The following NUDT6 variants were observed in gnomAD, a reference collection of about 807,000 sequenced individuals.
NUDT6 encodes the protein nudix hydrolase 6.
Under a neutral mutation model 36.8 loss-of-function variants are expected in NUDT6, and 24 were observed. The ratio of observed to expected loss-of-function variants is 0.65; its 90% CI spans 0.47 to 0.92. The LOEUF is 0.92. Ranked by LOEUF, NUDT6 falls within the 40% of genes least tolerant of loss-of-function variation. NUDT6 has a pLI of 0.00. For synonymous variants in NUDT6, 163 were observed against 157.0 expected (o/e 1.04, Z -0.29); for missense variants, 388 against 392.8 (o/e 0.99, Z 0.10).
intron 2 of NUDT6, 37 bp downstream of exon 2, chr4:122,917,464 A>C (rs1229570431): frequency 6.3e-7 from 1 of 1,575,704 alleles, no homozygotes; most frequent in East Asian, 2.2e-5. Flanking sequence ...TGAACGTCTA[A>C]AAAGTTAATT....
chr4:122,911,175 T>C (rs1727726926), intron 3 of NUDT6, among the ~76,000 whole-genome samples: 3 of 152,180 alleles, frequency 2.0e-5, no homozygotes, highest in African/African-American at 7.2e-5. Flanking sequence ...GGCAAAGGGA[T>C]TGGAACTCTG....
chr4:122,917,656 T>C lies in NUDT6; in HGVS notation c.287A>G (p.His96Arg), dbSNP rs1282074619. 6.2e-7 allele frequency: 1 copy of C among 1,614,112 alleles called. No individual in the cohort carries two copies. The highest frequency in any genetic ancestry group is 1.3e-5 in the African/African-American group (1 of 74,936). The change falls in exon 2 of 5, where the codon CAC becomes CGC. Residue 96 changes from histidine (H) to arginine (R), a missense_variant. His to Arg is a conservative substitution (Grantham distance 29). Coordinates refer to ENST00000304430, the MANE Select transcript of NUDT6 (RefSeq NM_007083.5). ...RSEGRTAVWL[H>R]IPILQSRFIA... ...AAATCGGCTTTGGAGGATGGGAATG[T>C]GCAGCCATACAGCTGTTCTACCTTC...
chr4:122,908,067 C>T (rs1251577335), intron 3 of NUDT6, among the ~76,000 whole-genome samples: 1 of 151,974 alleles, frequency 6.6e-6, no homozygotes, highest in East Asian at 1.9e-4. Flanking sequence ...ATCCTAAACC[C>T]CTCCCAACTG....
At chr4:122,902,961 G>T (rs1727553382) in intron 3 of NUDT6, among the ~76,000 whole-genome samples, 1 of 152,144 alleles carries the variant, frequency 6.6e-6, no homozygotes, top group Admixed American at 6.5e-5. Flanking sequence ...TATCTGAAAA[G>T]AATGCCAATT....
chr4:122,900,207 A>C (rs1392516933), intron 3 of NUDT6, among the ~76,000 whole-genome samples: 1 of 151,956 alleles, frequency 6.6e-6, no homozygotes, highest in Non-Finnish European at 1.5e-5. Flanking sequence ...CCTTCATCCA[A>C]ATCCTTTTCC....
chr4:122,902,150 C>A (rs1172682985), intron 3 of NUDT6, among the ~76,000 whole-genome samples: 6 of 152,150 alleles, frequency 3.9e-5, no homozygotes. Flanking sequence ...GAGACAGAAG[C>A]TACCACAGAG....
intron 3 of NUDT6, among the ~76,000 whole-genome samples, chr4:122,899,922 C>T (rs1727476737): frequency 6.6e-6 from 1 of 152,064 alleles, no homozygotes; most frequent in African/African-American, 2.4e-5. Context: ...GGGGACTGGG[C>T]CACTCATAGA....
chr4:122,901,683 T>C (rs1727527419), intron 3 of NUDT6, among the ~76,000 whole-genome samples: 2 of 152,206 alleles, frequency 1.3e-5, no homozygotes, highest in African/African-American at 4.8e-5. Context: ...CCACTATTTC[T>C]TTGAAAACTT....
chr4:122,919,979 T>A (rs1727933745), intron 1 of NUDT6: 1 of 152,188 alleles, frequency 6.6e-6, no homozygotes, highest in Non-Finnish European at 1.5e-5. Context: ...CCAGAACCAG[T>A]GCTATTTCAT....
intron 2 of NUDT6, among the ~76,000 whole-genome samples, chr4:122,915,547 C>T (rs1418910210): frequency 6.6e-6 from 1 of 151,776 alleles, no homozygotes; most frequent in East Asian, 1.9e-4. Context: ...TCGTCCACAC[C>T]CCCAACAGTG....
intron 3 of NUDT6, among the ~76,000 whole-genome samples, chr4:122,907,451 T>TC (rs780606443): frequency 1.9e-5 from 2 of 102,890 alleles, no homozygotes; most frequent in Admixed American, 8.5e-5. Context: ...TTTACTTTCT[T>TC]TTTTTTTTTT....
At chr4:122,904,296 T>C (rs1269239251) in intron 3 of NUDT6, among the ~76,000 whole-genome samples, 1 of 152,164 alleles carries the variant, frequency 6.6e-6, no homozygotes, top group Non-Finnish European at 1.5e-5. Flanking sequence ...TAAGATGATA[T>C]ACTATACAGT....
intron 3 of NUDT6, among the ~76,000 whole-genome samples, chr4:122,898,848 T>C (rs1727444953): frequency 6.6e-6 from 1 of 152,130 alleles, no homozygotes; most frequent in Non-Finnish European, 1.5e-5. Flanking sequence ...TATGCAGTCT[T>C]TGTCTTGACA....
At chr4:122,911,782 GA>G (rs1318817891) in intron 3 of NUDT6, among the ~76,000 whole-genome samples, 7 of 152,132 alleles carry the variant, frequency 4.6e-5, no homozygotes. Context: ...TCCTGAGCAT[GA>G]AAACATCTGA....
chr4:122,915,279 G>A (rs1727805598), intron 2 of NUDT6, among the ~76,000 whole-genome samples: 1 of 151,956 alleles, frequency 6.6e-6, no homozygotes, highest in African/African-American at 2.4e-5. Context: ...ACCCCAGCCT[G>A]GGCAACATGG....
At chr4:122,897,434 A>C in intron 4 of NUDT6, 190 bp downstream of exon 4, 1 of 603,516 alleles carries the variant, frequency 1.7e-6, no homozygotes, top group South Asian at 2.0e-5. Context: ...ATTTCTACTA[A>C]TGGAATAAAC....
intron 4 of NUDT6, chr4:122,895,535 C>T (rs1167241389): frequency 6.6e-6 from 1 of 152,306 alleles, no homozygotes; most frequent in Non-Finnish European, 1.5e-5. Flanking sequence ...TGATAAGGCT[C>T]AGCTGCTTTA....
chr4:122,920,402 C>T (rs1243305912), intron 1 of NUDT6: 3 of 152,142 alleles, frequency 2.0e-5, no homozygotes, highest in African/African-American at 4.8e-5. Flanking sequence ...TATAAAGATC[C>T]TAAAACATCT....
upstream of NUDT6, chr4:122,922,602 A>C (rs755513109): frequency 5.1e-6 from 8 of 1,558,852 alleles, no homozygotes; most frequent in Non-Finnish European, 7.0e-6. Flanking sequence ...TCCGTTGCCC[A>C]AATGACCCCT....
Sources: allele counts gnomAD v4.1 joint callset (sites outside exome capture counted in the v4.1 genomes callset), GRCh38; gene constraint gnomAD v4.1.1; transcripts MANE v1.5; gene names NCBI Gene and HGNC (gene_info 2026-07-23, HGNC 2026-07-21).